The following ATP2B2 variants were observed in gnomAD, a reference collection of about 807,000 sequenced individuals.
The protein encoded by ATP2B2 is ATPase plasma membrane Ca2+ transporting 2.
A neutral mutation model predicts 120.0 loss-of-function variants in ATP2B2; 15 were observed. The observed-to-expected ratio is 0.12, with a 90% CI of 0.08 to 0.19. ATP2B2 has a LOEUF of 0.19. Ranked by LOEUF, ATP2B2 falls within the 10% of genes least tolerant of loss-of-function variation. The pLI is 1.00. For missense variants in ATP2B2, 1,045 were observed against 1,719.8 expected, an observed-to-expected ratio of 0.61 and a Z score of 6.94; for synonymous variants, 694 against 700.3, an observed-to-expected ratio of 0.99 and a Z score of 0.14.
rs570976308 is a variant in ATP2B2 at position 10,394,319 on chromosome 3, C to T, written c.782-5917G>A. Among the ~76,000 whole-genome samples, 46 of 152,228 alleles carry T rather than the reference C, an allele frequency of 3.0e-4. No homozygotes were observed. In the South Asian group the frequency reaches 3.1e-3, roughly 10 times the overall value. ...TGTTATTAATGCAGTTAATAACACACGCTCACAGAGCACGAGGCAGTAGGC... is the reference window on the plus strand; with the variant it reads ...TGTTATTAATGCAGTTAATAACACATGCTCACAGAGCACGAGGCAGTAGGC... On this transcript the variant is annotated intron_variant, in intron 5 of 22. Coordinates refer to ENST00000360273, the MANE Select transcript of ATP2B2 (RefSeq NM_001001331.4).
At chr3:10,356,742 A>G (rs544546628) in intron 14 of ATP2B2, among the ~76,000 whole-genome samples, 9 of 152,286 alleles carry the variant, frequency 5.9e-5, no homozygotes, top group Non-Finnish European at 1.0e-4. Flanking sequence ...TAACGAGATA[A>G]CACATCACAG....
chr3:10,361,895 G>A (rs1401694000), intron 12 of ATP2B2, among the ~76,000 whole-genome samples: 1 of 152,208 alleles, frequency 6.6e-6, no homozygotes, highest in Admixed American at 6.5e-5. Flanking sequence ...GACCAGAGTG[G>A]TGGGGGAGAC....
chr3:10,545,483 C>T (rs964592675), intron 2 of ATP2B2, among the ~76,000 whole-genome samples: 2 of 150,958 alleles, frequency 1.3e-5, no homozygotes, highest in Non-Finnish European at 2.9e-5. Context: ...GAGCCAAGAT[C>T]GTGCCTTTGC....
At chr3:10,440,456 A>G (rs999706839) in intron 2 of ATP2B2, among the ~76,000 whole-genome samples, 3 of 152,206 alleles carry the variant, frequency 2.0e-5, no homozygotes, top group African/African-American at 7.2e-5. Flanking sequence ...GTCTACAAAA[A>G]TGAATCTGTA....
chr3:10,595,167 C>A (rs2068737003), intron 2 of ATP2B2, among the ~76,000 whole-genome samples: 1 of 152,222 alleles, frequency 6.6e-6, no homozygotes, highest in Non-Finnish European at 1.5e-5. Flanking sequence ...CTGGACAGAT[C>A]CCTCCCACTC....
chr3:10,707,871 AG>A (rs1454472156), intron 1 of ATP2B2: 2 of 152,364 alleles, frequency 1.3e-5, no homozygotes, highest in East Asian at 1.9e-4. Flanking sequence ...ACCGAGCGAG[AG>A]GGGAAGAGGC....
chr3:10,589,049 C>G (rs143894737), intron 2 of ATP2B2, among the ~76,000 whole-genome samples: 140 of 152,266 alleles, frequency 9.2e-4, no homozygotes, highest in Middle Eastern at 6.8e-3. Flanking sequence ...AGTTCACACA[C>G]CTGGGTAGGG....
chr3:10,538,506 C>T (rs1389565559), intron 2 of ATP2B2, among the ~76,000 whole-genome samples: 1 of 152,192 alleles, frequency 6.6e-6, no homozygotes, highest in Non-Finnish European at 1.5e-5. Flanking sequence ...AATCCAGCAG[C>T]ACATCAAAAA....
intron 1 of ATP2B2, among the ~76,000 whole-genome samples, chr3:10,491,354 T>G (rs1236918438): frequency 1.3e-5 from 2 of 151,930 alleles, no homozygotes; most frequent in East Asian, 3.9e-4. Flanking sequence ...GCCTCCCGAG[T>G]AGCTTGGATT....
Position 10,376,073 on chromosome 3 carries a change from T to C in ATP2B2, c.1202-429A>G, listed in dbSNP as rs529851412. Among the ~76,000 whole-genome samples, 168 of 152,242 alleles carry C rather than the reference T, an allele frequency of 1.1e-3. 2 individuals carry two copies. Among genetic ancestry groups the C allele is most frequent in the African/African-American group, 4.0e-3 (165 of 41,518 alleles). ...TTTATTTATTCATTTATTCGACAAATACCTTTTGAGCACCTATGACACGCC... is the reference window on the plus strand; with the variant it reads ...TTTATTTATTCATTTATTCGACAAACACCTTTTGAGCACCTATGACACGCC... On this transcript the variant is annotated intron_variant, in intron 10 of 22. Transcript: ENST00000360273.
At chr3:10,348,340 C>T (rs949787641) in intron 16 of ATP2B2, among the ~76,000 whole-genome samples, 2 of 152,134 alleles carry the variant, frequency 1.3e-5, no homozygotes, top group Non-Finnish European at 1.5e-5. Flanking sequence ...CAGGACAATC[C>T]TACAGGTCCC....
rs147991384 is a variant in ATP2B2 at position 10,335,993 on chromosome 3, C to T, written c.3420+2183G>A. On this transcript the variant is annotated intron_variant, in intron 22 of 22. Transcript: ENST00000360273. ...CTCTCCTGACCAACGGGACCCTCTT[C>T]GGTGGCTGGGACCCTTCATCCCCCT... 5.4e-4 allele frequency: 589 copies of T among 1,087,472 alleles called. 4 individuals carry two copies. The Admixed American group carries it at 0.014, about 26-fold the overall frequency. The allele number at this position is 1,087,472 out of a possible 1,614,324, so 67.4% of individuals were successfully genotyped here.
chr3:10,507,734 C>T (rs957289670), upstream of ATP2B2, among the ~76,000 whole-genome samples: 2 of 152,216 alleles, frequency 1.3e-5, no homozygotes, highest in Non-Finnish European at 2.9e-5. Context: ...TTTGTAAAGG[C>T]CACCTACAAA....
At chr3:10,379,339 C>A in intron 8 of ATP2B2, 55 bp from the exon 9 acceptor site, 1 of 1,585,648 alleles carries the variant, frequency 6.3e-7, no homozygotes, top group South Asian at 1.1e-5. Context: ...CATGGTCGGT[C>A]ATCACGAAGA....
At chr3:10,371,022 T>C (rs1263471363) in intron 12 of ATP2B2, among the ~76,000 whole-genome samples, 2 of 152,156 alleles carry the variant, frequency 1.3e-5, no homozygotes, top group Non-Finnish European at 2.9e-5. Context: ...AACAACAACA[T>C]CATCAGTGGT....
At chr3:10,452,336 T>C (rs904314193) in intron 1 of ATP2B2, among the ~76,000 whole-genome samples, 5 of 152,228 alleles carry the variant, frequency 3.3e-5, no homozygotes, top group Non-Finnish European at 7.3e-5. Context: ...TACAAGCTAG[T>C]GCAGAGCCTC....
intron 1 of ATP2B2, among the ~76,000 whole-genome samples, chr3:10,685,025 C>T (rs2071483440): frequency 6.6e-6 from 1 of 152,176 alleles, no homozygotes; most frequent in Non-Finnish European, 1.5e-5. Context: ...AAACTGAGAT[C>T]ACTCAAGACC....
At chr3:10,463,934 C>T (rs913597251) in intron 1 of ATP2B2, among the ~76,000 whole-genome samples, 2 of 152,112 alleles carry the variant, frequency 1.3e-5, no homozygotes, top group Non-Finnish European at 2.9e-5. Context: ...GGGCACATGC[C>T]GCTGCCTACC....
intron 1 of ATP2B2, among the ~76,000 whole-genome samples, chr3:10,497,994 A>G (rs1340020864): frequency 1.3e-5 from 2 of 152,112 alleles, no homozygotes; most frequent in African/African-American, 2.4e-5. Flanking sequence ...AACTGATCTT[A>G]TTTATCATAT....
Sources: allele counts gnomAD v4.1 joint callset (sites outside exome capture counted in the v4.1 genomes callset), GRCh38; gene constraint gnomAD v4.1.1; transcripts MANE v1.5; gene names NCBI Gene and HGNC (gene_info 2026-07-23, HGNC 2026-07-21).